Variants in MGAT5 observed in about 807,000 individuals in gnomAD.
The protein encoded by MGAT5 is alpha-1,6-mannosylglycoprotein 6-beta-N-acetylglucosaminyltransferase, also known as alpha-1,6-mannosylglycoprotein 6-beta-N-acetylglucosaminyltransferase A.
Under a neutral mutation model 94.3 loss-of-function variants are expected in MGAT5, and 30 were observed. That is an observed-to-expected ratio of 0.32 (90% CI 0.24 to 0.43). The LOEUF (loss-of-function observed/expected upper bound fraction) is 0.43. Ranked by LOEUF, MGAT5 falls within the 20% of genes least tolerant of loss-of-function variation. The pLI is 1.00. For synonymous variants in MGAT5, 310 were observed against 322.9 expected, an observed-to-expected ratio of 0.96 and a Z score of 0.43; for missense variants, 691 against 905.5, an observed-to-expected ratio of 0.76 and a Z score of 3.04.
chr2:134,412,316 G>A (rs148378688), intron 11 of MGAT5, among the ~76,000 whole-genome samples: 1 of 152,154 alleles, frequency 6.6e-6, no homozygotes, highest in South Asian at 2.1e-4. Flanking sequence ...GGTGTCCCCA[G>A]TGTAAACCCC....
chr2:134,442,530 T>C (rs598954), intron 15 of MGAT5, among the ~76,000 whole-genome samples: 79,464 of 151,894 alleles, frequency 0.52, 22,350 homozygotes, highest in Middle Eastern at 0.68. Context: ...GTCTGCGGGG[T>C]CTCTTGGTAA....
chr2:134,264,118 G>A (rs1683530893), intron 1 of MGAT5, among the ~76,000 whole-genome samples: 2 of 147,940 alleles, frequency 1.4e-5, no homozygotes, highest in Non-Finnish European at 2.9e-5. Flanking sequence ...CGCCTCCCAG[G>A]TTCAAGCGAT....
intron 1 of MGAT5, among the ~76,000 whole-genome samples, chr2:134,228,206 G>C (rs368017740): frequency 6.6e-6 from 1 of 152,102 alleles, no homozygotes; most frequent in Non-Finnish European, 1.5e-5. Flanking sequence ...TGTTTAGGAA[G>C]GTAGAAAAGA....
intron 4 of MGAT5, among the ~76,000 whole-genome samples, chr2:134,334,496 CTTTTTTTTT>C (rs59933611): frequency 1.5e-4 from 5 of 34,108 alleles, no homozygotes; most frequent in Non-Finnish European, 2.4e-4. Context: ...CTTGCTCATC[CTTTTTTTTT>C]TTTTTTTTTT....
chr2:134,199,030 G>A (rs1679637526), intron 1 of MGAT5, among the ~76,000 whole-genome samples: 1 of 152,172 alleles, frequency 6.6e-6, no homozygotes, highest in Non-Finnish European at 1.5e-5. Flanking sequence ...GTAAAAATTA[G>A]CCCACCAGGA....
intron 4 of MGAT5, among the ~76,000 whole-genome samples, chr2:134,331,924 A>G (rs1041939719): frequency 9.2e-5 from 14 of 151,944 alleles, no homozygotes; most frequent in African/African-American, 3.4e-4. Flanking sequence ...GAGGATACAA[A>G]CAAATGGAAG....
intron 1 of MGAT5, among the ~76,000 whole-genome samples, chr2:134,189,988 A>C (rs1326491618): frequency 6.6e-6 from 1 of 152,200 alleles, no homozygotes; most frequent in African/African-American, 2.4e-5. Flanking sequence ...TACTAAATAT[A>C]CCACAAATAC....
At chr2:134,363,358 G>A (rs777959411) in intron 10 of MGAT5, among the ~76,000 whole-genome samples, 1 of 152,210 alleles carries the variant, frequency 6.6e-6, no homozygotes, top group Admixed American at 6.5e-5. Context: ...AGGAAAAGCA[G>A]TGCCCTACCC....
At position 134,176,572 on chromosome 2, in the gene MGAT5, T is replaced by TAAAAAAAAA. The variant is rs66689362; in HGVS notation, c.-143+56296_-143+56304dup. ...TGGGTGACAGAGGGAGACTCTGTCT[T>TAAAAAAAAA]AAAAAAAAAAAAAAAAAAAAAAATT... On this transcript the variant is annotated intron_variant, in intron 1 of 16. Transcript: ENST00000409645. 4.2e-4 allele frequency among the ~76,000 whole-genome samples: 35 copies of TAAAAAAAAA among 83,302 alleles called. 1 individual carries two copies. Among genetic ancestry groups the TAAAAAAAAA allele is most frequent in the African/African-American group, 1.5e-3 (28 of 18,552 alleles). The allele number at this position is 83,302 out of a possible 152,430, so 54.6% of individuals were successfully genotyped here. A position where few individuals can be genotyped will look rare whatever the true frequency, so the allele number is the denominator to read the frequency against.
intron 1 of MGAT5, among the ~76,000 whole-genome samples, chr2:134,122,203 C>G (rs952041066): frequency 6.6e-6 from 1 of 151,948 alleles, no homozygotes; most frequent in African/African-American, 2.4e-5. Flanking sequence ...TTTCCGGGTT[C>G]AAGAGATTCT....
intron 2 of MGAT5, among the ~76,000 whole-genome samples, chr2:134,314,380 G>A (rs1686876312): frequency 6.6e-6 from 1 of 152,238 alleles, no homozygotes; most frequent in African/African-American, 2.4e-5. Context: ...CCCTGGCCTG[G>A]TGGGAGTCTC....
intron 14 of MGAT5, among the ~76,000 whole-genome samples, chr2:134,440,150 G>A (rs993875773): frequency 6.6e-6 from 1 of 152,112 alleles, no homozygotes; most frequent in Non-Finnish European, 1.5e-5. Context: ...CTAGATCCCA[G>A]GGTCAACTGG....
chr2:134,411,631 G>A (rs959370175), intron 11 of MGAT5, among the ~76,000 whole-genome samples: 1 of 152,180 alleles, frequency 6.6e-6, no homozygotes, highest in Non-Finnish European at 1.5e-5. Context: ...CTCAGGGTTG[G>A]CCTGACACAT....
intron 1 of MGAT5, among the ~76,000 whole-genome samples, chr2:134,202,341 G>C (rs904166338): frequency 2.0e-5 from 3 of 152,234 alleles, no homozygotes; most frequent in Admixed American, 2.0e-4. Flanking sequence ...TATAAAAGAA[G>C]CTGCAGGGAT....
intron 1 of MGAT5, among the ~76,000 whole-genome samples, chr2:134,188,888 T>C (rs1422094984): frequency 6.6e-6 from 1 of 152,228 alleles, no homozygotes; most frequent in African/African-American, 2.4e-5. Flanking sequence ...TTTGATAATT[T>C]ACTAGAATGA....
At chr2:134,350,884 G>A (rs1345793443) in intron 9 of MGAT5, among the ~76,000 whole-genome samples, 1 of 152,088 alleles carries the variant, frequency 6.6e-6, no homozygotes, top group Non-Finnish European at 1.5e-5. Flanking sequence ...TATAACTTCT[G>A]AGATGAATCT....
At chr2:134,389,962 G>A (rs182811865) in intron 10 of MGAT5, among the ~76,000 whole-genome samples, 4 of 152,228 alleles carry the variant, frequency 2.6e-5, no homozygotes, top group East Asian at 1.9e-4. Flanking sequence ...CAGGCAGGGC[G>A]TTGGTGTGGT....
At chr2:134,376,994 C>G (rs1196032558) in intron 10 of MGAT5, among the ~76,000 whole-genome samples, 1 of 152,216 alleles carries the variant, frequency 6.6e-6, no homozygotes, top group South Asian at 2.1e-4. Flanking sequence ...AAAACGGTCT[C>G]ACAGCACTTG....
chr2:134,350,637 T>C (rs2106051503), intron 9 of MGAT5, among the ~76,000 whole-genome samples: 1 of 152,348 alleles, frequency 6.6e-6, no homozygotes, highest in Middle Eastern at 3.4e-3. Context: ...TTCTTCCTGC[T>C]GCTTTCTGTT....
Sources: gnomAD v4.1 joint callset for allele counts (sites outside exome capture counted in the v4.1 genomes callset) on GRCh38, gnomAD v4.1.1 for gene constraint, MANE v1.5 for transcripts, NCBI Gene and HGNC (gene_info 2026-07-23, HGNC 2026-07-21) for gene names.